The following TMC3 variants were observed in gnomAD, a reference collection of about 807,000 sequenced individuals.
The protein encoded by TMC3 is transmembrane channel like 3.
A neutral mutation model predicts 110.6 loss-of-function variants in TMC3; 98 were observed. That is an observed-to-expected ratio of 0.89 (90% CI 0.75 to 1.05). The LOEUF (loss-of-function observed/expected upper bound fraction) is 1.05, where lower values mean the gene tolerates loss of function less well. Ranked by LOEUF, TMC3 falls within the 50% of genes least tolerant of loss-of-function variation. The pLI is 0.00. For synonymous variants in TMC3, 489 were observed against 513.1 expected (o/e 0.95, Z 0.63); for missense variants, 1,319 against 1,373.2 (o/e 0.96, Z 0.62).
intron 10 of TMC3, among the ~76,000 whole-genome samples, chr15:81,350,236 A>G (rs1893918534): frequency 6.6e-6 from 1 of 152,238 alleles, no homozygotes; most frequent in South Asian, 2.1e-4. Flanking sequence ...CCTTGACTCA[A>G]AAAACAAAAA....
At position 81,331,230 on chromosome 15, in the gene TMC3, T is replaced by C. The variant is rs1893455696; in HGVS notation, c.*1189A>G. On this transcript the variant is annotated 3_prime_UTR_variant, in exon 22 of 22. Transcript: ENST00000359440. ...GAGTACGCGAGGCAGGAAGCGTACT[T>C]ACAGAAGCGAGAGCAAAGGCAGTTG... The C allele has an allele frequency of 6.6e-6, 1 of 152,234 alleles. No homozygotes were observed. 9.4% of individuals were successfully genotyped at this position (152,234 alleles called of 1,614,324 possible).
chr15:81,356,840 C>T (rs908844886), intron 7 of TMC3, among the ~76,000 whole-genome samples: 1 of 152,214 alleles, frequency 6.6e-6, no homozygotes, highest in Non-Finnish European at 1.5e-5. Flanking sequence ...TTGACAAGGA[C>T]TCCCACCACT....
intron 6 of TMC3, 53 bp from the exon 7 acceptor site, chr15:81,358,344 A>C: frequency 6.2e-7 from 1 of 1,601,184 alleles, no homozygotes; most frequent in Non-Finnish European, 8.5e-7. Context: ...AGGTCTCAGA[A>C]CTGTGGCCCA....
chr15:81,355,342 T>C (rs1038684593), intron 9 of TMC3, among the ~76,000 whole-genome samples: 8 of 152,176 alleles, frequency 5.3e-5, no homozygotes, highest in African/African-American at 1.9e-4. Flanking sequence ...ATCTTGAACC[T>C]AGGAAATCAT....
Position 81,357,169 on chromosome 15 carries a change from A to C in TMC3, c.744-575T>G, listed in dbSNP as rs1439134982. Among the ~76,000 whole-genome samples the C allele has an allele frequency of 4.6e-5, 7 of 151,916 alleles. No individual in the cohort carries two copies. The South Asian group carries it at 1.5e-3, about 32-fold the overall frequency. The stretch of plus-strand genomic sequence containing the variant: ...AAGTTTGCTCTAATCTGTCTCTTAC[A>C]TTGTATGTCTAGTAAAGGGCCCGAG... On this transcript the variant is annotated intron_variant, in intron 7 of 21. Coordinates refer to ENST00000359440, the MANE Select transcript of TMC3 (RefSeq NM_001080532.3).
intron 3 of TMC3, among the ~76,000 whole-genome samples, 169 bp from the exon 4 acceptor site, chr15:81,362,470 T>C (rs921506494): frequency 6.6e-6 from 1 of 152,102 alleles, no homozygotes; most frequent in Non-Finnish European, 1.5e-5. Flanking sequence ...AGCTCCCTTG[T>C]CTGTGCTCCT....
At chr15:81,348,651 T>A (rs1283757709) in intron 11 of TMC3, among the ~76,000 whole-genome samples, 1 of 152,240 alleles carries the variant, frequency 6.6e-6, no homozygotes, top group Non-Finnish European at 1.5e-5. Context: ...TCTTTGAGTC[T>A]GTACTTTGGG....
intron 16 of TMC3, among the ~76,000 whole-genome samples, chr15:81,340,479 G>A (rs1356839273): frequency 6.6e-6 from 1 of 152,186 alleles, no homozygotes; most frequent in Non-Finnish European, 1.5e-5. Context: ...AGTAGGTCAT[G>A]AGCAAAAGTT....
At chr15:81,363,123 C>T (rs144565926) in intron 3 of TMC3, among the ~76,000 whole-genome samples, 6 of 152,146 alleles carry the variant, frequency 3.9e-5, no homozygotes, top group Non-Finnish European at 7.4e-5. Flanking sequence ...GGTGTGGTGG[C>T]GTGCGCCTGT....
At chr15:81,349,241 C>G (rs956772162) in intron 11 of TMC3, among the ~76,000 whole-genome samples, 1 of 152,054 alleles carries the variant, frequency 6.6e-6, no homozygotes, top group South Asian at 2.1e-4. Context: ...CCTTGTCATC[C>G]TGGTCCTCCT....
chr15:81,370,345 T>C (rs1468272758), intron 2 of TMC3, among the ~76,000 whole-genome samples: 3 of 152,156 alleles, frequency 2.0e-5, no homozygotes, highest in Non-Finnish European at 2.9e-5. Context: ...GAAGTGTTGC[T>C]CCAGTAGTTT....
Position 81,373,974 on chromosome 15 carries a change from A to G in TMC3, c.89+15T>C. ...CCTGACTCCTCTGCCCAGCTGATGA[A>G]TGGGGCCAGCTCACCTGAGCAGCAG... On this transcript the variant is annotated intron_variant, in intron 1 of 21. Transcript: ENST00000359440. 6.2e-7 allele frequency: 1 copy of G among 1,611,832 alleles called. No homozygotes were observed. Among genetic ancestry groups the G allele is most frequent in the Non-Finnish European group, 8.5e-7 (1 of 1,178,938 alleles).
intron 13 of TMC3, among the ~76,000 whole-genome samples, chr15:81,344,368 TA>T (rs1164713517): frequency 5.9e-5 from 9 of 152,228 alleles, no homozygotes; most frequent in Non-Finnish European, 8.8e-5. Flanking sequence ...TTCCATGGGA[TA>T]ATACCTTGGG....
intron 3 of TMC3, among the ~76,000 whole-genome samples, chr15:81,364,135 G>A (rs1370843320): frequency 7.0e-6 from 1 of 142,290 alleles, no homozygotes; most frequent in Non-Finnish European, 1.5e-5. Flanking sequence ...GGCTAAGGCA[G>A]GGCAACTTTT....
Position 81,334,980 on chromosome 15 carries a change from A to G in TMC3, c.2204-5T>C, listed in dbSNP as rs1251325259. 1.2e-6 allele frequency: 2 copies of G among 1,612,628 alleles called. No homozygotes were observed. Among genetic ancestry groups the G allele is most frequent in the African/African-American group, 2.7e-5 (2 of 74,902 alleles). Reference sequence around the variant, plus strand: ...CTTCCTGGGTCTGGATTCGGGCTGCAGGGAGAGGGAGGTGTTGTGAGAAGA... The same window carrying G: ...CTTCCTGGGTCTGGATTCGGGCTGCGGGGAGAGGGAGGTGTTGTGAGAAGA... On this transcript the variant is annotated splice_polypyrimidine_tract_variant and splice_region_variant and intron_variant, in intron 20 of 21. Coordinates refer to ENST00000359440, the MANE Select transcript of TMC3 (RefSeq NM_001080532.3).
intron 17 of TMC3, 74 bp from the exon 18 acceptor site, chr15:81,338,854 G>T (rs1042383165): frequency 8.3e-6 from 13 of 1,560,984 alleles, no homozygotes; most frequent in Non-Finnish European, 1.1e-5. Flanking sequence ...TCAGAAAATG[G>T]CTGGATGCCT....
chr15:81,366,792 C>T (rs1894326696), intron 3 of TMC3, among the ~76,000 whole-genome samples: 1 of 152,016 alleles, frequency 6.6e-6, no homozygotes, highest in African/African-American at 2.4e-5. Context: ...CAAGATGTGT[C>T]CTTAGGGATT....
chr15:81,374,031 T>C lies in TMC3; in HGVS notation c.47A>G (p.Asn16Ser). ...CTGGTAGAGGTAGCACTGGCTGGCA[T>C]TTCTCCGGATGCCTCTATAGCGCTG... is the stretch of plus-strand genomic sequence containing the variant. ...ASQRYRGIRR[N>S]ASQCYLYQES... is the part of the protein sequence containing the mutation. Residue 16 changes from asparagine (N) to serine (S), a missense_variant, in exon 1 of 22, where the codon AAT (asparagine) becomes AGT (serine). Transcript: ENST00000359440. The C allele has an allele frequency of 6.2e-7, 1 of 1,613,836 alleles. No homozygotes were observed. Among genetic ancestry groups the C allele is most frequent in the South Asian group, 1.1e-5 (1 of 91,032 alleles).
chr15:81,349,253 C>CTCCCTTCCTCCTCCTCT (rs992101348), intron 11 of TMC3, among the ~76,000 whole-genome samples: 3 of 152,154 alleles, frequency 2.0e-5, no homozygotes, highest in African/African-American at 7.2e-5. Context: ...GGTCCTCCTC[C>CTCCCTTCCTCCTCCTCT]TCCCTTCCTC....
Sources: gnomAD v4.1 joint callset for allele counts (sites outside exome capture counted in the v4.1 genomes callset) on GRCh38, gnomAD v4.1.1 for gene constraint, MANE v1.5 for transcripts, NCBI Gene and HGNC (gene_info 2026-07-23, HGNC 2026-07-21) for gene names.